Variants in ADAMTS20 observed in about 807,000 individuals in gnomAD.
ADAMTS20 encodes ADAM metallopeptidase with thrombospondin type 1 motif 20.
In ADAMTS20, 225 loss-of-function variants were observed where a neutral mutation model predicts 260.1. That is an observed-to-expected ratio of 0.87 (90% CI 0.78 to 0.97). The LOEUF (loss-of-function observed/expected upper bound fraction) is 0.97, where lower values mean the gene tolerates loss of function less well. ADAMTS20 is among the 50% of genes least tolerant of loss of function. The pLI is 0.00. For synonymous variants in ADAMTS20, 802 were observed against 769.5 expected (o/e 1.04, Z -0.70); for missense variants, 2,400 against 2,337.7 (o/e 1.03, Z -0.55).
intron 29 of ADAMTS20, among the ~76,000 whole-genome samples, chr12:43,387,559 G>A (rs1940506707): frequency 6.6e-6 from 1 of 152,212 alleles, no homozygotes. Flanking sequence ...CAGCAGGCAG[G>A]AACATTTAAG....
At chr12:43,509,209 G>T (rs1484338717) in intron 3 of ADAMTS20, among the ~76,000 whole-genome samples, 3 of 152,030 alleles carry the variant, frequency 2.0e-5, no homozygotes, top group Non-Finnish European at 4.4e-5. Flanking sequence ...GTGCCGCGAT[G>T]AATATATGTG....
At chr12:43,381,798 A>AG (rs1940360394) in intron 31 of ADAMTS20, among the ~76,000 whole-genome samples, 1 of 151,098 alleles carries the variant, frequency 6.6e-6, no homozygotes, top group South Asian at 2.1e-4. Flanking sequence ...AAAAAAAAAA[A>AG]AAAAAAGATG....
chr12:43,550,301 C>A (rs1592120952), intron 2 of ADAMTS20, among the ~76,000 whole-genome samples: 1 of 152,086 alleles, frequency 6.6e-6, no homozygotes, highest in African/African-American at 2.4e-5. Context: ...TGATTACCAC[C>A]ACAAAAATAT....
intron 28 of ADAMTS20, among the ~76,000 whole-genome samples, chr12:43,410,277 A>G (rs1209641015): frequency 6.6e-6 from 1 of 152,220 alleles, no homozygotes; most frequent in East Asian, 1.9e-4. Flanking sequence ...GAGGAGGCAG[A>G]CTGGGGTTGG....
intron 3 of ADAMTS20, among the ~76,000 whole-genome samples, chr12:43,517,825 A>G (rs1327218659): frequency 6.6e-6 from 1 of 152,120 alleles, no homozygotes; most frequent in Non-Finnish European, 1.5e-5. Context: ...TGGCACAAAT[A>G]GACCAATGGA....
intron 37 of ADAMTS20, among the ~76,000 whole-genome samples, chr12:43,358,291 C>A (rs370469619): frequency 6.6e-6 from 1 of 152,118 alleles, no homozygotes; most frequent in Non-Finnish European, 1.5e-5. Flanking sequence ...CTAGAACTAT[C>A]GATTGTTCCA....
intron 29 of ADAMTS20, among the ~76,000 whole-genome samples, chr12:43,387,180 C>A (rs768914562): frequency 2.0e-5 from 3 of 152,084 alleles, no homozygotes; most frequent in Non-Finnish European, 4.4e-5. Flanking sequence ...TTGGCATGGA[C>A]GTCCTTTTGT....
At chr12:43,376,732 C>T (rs1282477342) in intron 32 of ADAMTS20, 79 bp from the exon 33 acceptor site, 6 of 1,497,208 alleles carry the variant, frequency 4.0e-6, no homozygotes, top group Non-Finnish European at 5.4e-6. Flanking sequence ...TTTTCTTAGA[C>T]CAGGTATTTC....
Position 43,434,380 on chromosome 12 carries a change from A to T in ADAMTS20, c.2594-9T>A, listed in dbSNP as rs561011798. Reference sequence around the variant, plus strand: ...GTTTCTTCGCTGAAGACCTTGGCCAAAGTCAAATGAAAATAAAAAATGAAA... The same window carrying T: ...GTTTCTTCGCTGAAGACCTTGGCCATAGTCAAATGAAAATAAAAAATGAAA... On this transcript the variant is annotated splice_polypyrimidine_tract_variant and intron_variant, in intron 18 of 38. Transcript: ENST00000389420. 2 of 1,558,628 alleles carry T rather than the reference A, an allele frequency of 1.3e-6. No individual in the cohort carries two copies. Among genetic ancestry groups the T allele is most frequent in the Non-Finnish European group, 1.7e-6 (2 of 1,153,052 alleles).
At chr12:43,543,108 T>C (rs997473627) in intron 2 of ADAMTS20, among the ~76,000 whole-genome samples, 1 of 152,014 alleles carries the variant, frequency 6.6e-6, no homozygotes, top group Non-Finnish European at 1.5e-5. Flanking sequence ...AAGACCAGTC[T>C]GGTCAACATA....
Position 43,446,682 on chromosome 12 carries a change from T to C in ADAMTS20, c.2110A>G (p.Ser704Gly). The part of the protein sequence containing the change: ...AAGCDHVLNS[S>G]AKIDKCGVCG... Reference sequence around the variant, plus strand: ...ACTCCACATTTGTCTATCTTGGCACTGGAGTTTAACACGTGATCACAACCA... The same window carrying C: ...ACTCCACATTTGTCTATCTTGGCACCGGAGTTTAACACGTGATCACAACCA... Residue 704 changes from serine (S) to glycine (G), a missense_variant, in exon 15 of 39, where the codon AGT becomes GGT. Ser to Gly is a moderately conservative substitution (Grantham distance 56). Coordinates refer to ENST00000389420, the MANE Select transcript of ADAMTS20 (RefSeq NM_025003.5). 1 of 1,613,372 alleles carries C rather than the reference T, an allele frequency of 6.2e-7. No individual in the cohort carries two copies. Among genetic ancestry groups the C allele is most frequent in the Non-Finnish European group, 8.5e-7 (1 of 1,179,534 alleles).
chr12:43,368,974 C>A (rs557366906), intron 37 of ADAMTS20, among the ~76,000 whole-genome samples: 1 of 152,106 alleles, frequency 6.6e-6, no homozygotes, highest in Non-Finnish European at 1.5e-5. Flanking sequence ...TGCTTGTGAT[C>A]CGTTCCTTTG....
chr12:43,508,649 A>C (rs963929141), intron 3 of ADAMTS20, among the ~76,000 whole-genome samples: 2 of 152,152 alleles, frequency 1.3e-5, no homozygotes, highest in Non-Finnish European at 2.9e-5. Flanking sequence ...GCAGGTATAT[A>C]TATTTATGGG....
intron 7 of ADAMTS20, among the ~76,000 whole-genome samples, chr12:43,481,732 A>AT (rs993048377): frequency 2.0e-5 from 3 of 151,852 alleles, no homozygotes; most frequent in East Asian, 1.9e-4. Flanking sequence ...TTTTTGTTTT[A>AT]TTTTTTTTCT....
At chr12:43,524,324 C>A (rs1446982825) in intron 3 of ADAMTS20, among the ~76,000 whole-genome samples, 6 of 150,904 alleles carry the variant, frequency 4.0e-5, no homozygotes, top group Admixed American at 4.0e-4. Flanking sequence ...AAAGTCACAC[C>A]CTTAAGATGG....
chr12:43,536,887 G>T (rs1275206146), intron 2 of ADAMTS20, among the ~76,000 whole-genome samples: 1 of 152,200 alleles, frequency 6.6e-6, no homozygotes, highest in East Asian at 1.9e-4. Flanking sequence ...GGAAAGGCAT[G>T]TTTCTGTGAA....
chr12:43,367,255 A>G (rs1455591286), intron 37 of ADAMTS20, among the ~76,000 whole-genome samples: 1 of 152,072 alleles, frequency 6.6e-6, no homozygotes, highest in Non-Finnish European at 1.5e-5. Flanking sequence ...AAAAAATGAT[A>G]CAACAATTTC....
intron 7 of ADAMTS20, among the ~76,000 whole-genome samples, chr12:43,472,624 T>G (rs1326634353): frequency 1.5e-5 from 2 of 129,976 alleles, no homozygotes; most frequent in Non-Finnish European, 3.2e-5. Context: ...CCCATCAGAC[T>G]AACAGCGGAT....
chr12:43,453,864 C>A (rs1592077290), intron 12 of ADAMTS20, 43 bp downstream of exon 12: 1 of 1,553,480 alleles, frequency 6.4e-7, no homozygotes, highest in Middle Eastern at 1.7e-4. Context: ...CTTTCTGGTG[C>A]CTTGAGATAA....
Sources: gnomAD v4.1 joint callset for allele counts (sites outside exome capture counted in the v4.1 genomes callset) on GRCh38, gnomAD v4.1.1 for gene constraint, MANE v1.5 for transcripts, NCBI Gene and HGNC (gene_info 2026-07-23, HGNC 2026-07-21) for gene names.